Variants in PRDM2 observed in about 807,000 individuals in gnomAD.
PRDM2 encodes the protein PR/SET domain 2.
PRDM2 carries 30 observed loss-of-function variants against 130.0 expected under a neutral mutation model. The observed-to-expected ratio is 0.23, with a 90% confidence interval of 0.17 to 0.31. The LOEUF (loss-of-function observed/expected upper bound fraction) is 0.31, where lower values mean the gene tolerates loss of function less well. Ranked by LOEUF, PRDM2 falls within the 10% of genes least tolerant of loss-of-function variation. The pLI is 1.00. For synonymous variants in PRDM2, 871 were observed against 782.4 expected, an observed-to-expected ratio of 1.11 and a Z score of -1.89; for missense variants, 2,011 against 2,108.4, an observed-to-expected ratio of 0.95 and a Z score of 0.90.
At chr1:13,792,877 C>T (rs1283150060) in intron 8 of PRDM2, among the ~76,000 whole-genome samples, 2 of 152,192 alleles carry the variant, frequency 1.3e-5, no homozygotes, top group African/African-American at 4.8e-5. Flanking sequence ...ATAGATTAAC[C>T]GAGTCGGAGA....
At chr1:13,802,992 T>G (rs1418109516) in intron 8 of PRDM2, among the ~76,000 whole-genome samples, 4 of 152,206 alleles carry the variant, frequency 2.6e-5, no homozygotes, top group Admixed American at 2.6e-4. Context: ...TCCTCCACCC[T>G]GCTGGGCTTC....
intron 1 of PRDM2, 52 bp from the exon 2 acceptor site, chr1:13,715,489 C>T (rs1642504797): frequency 2.4e-6 from 2 of 834,156 alleles, no homozygotes; most frequent in South Asian, 2.4e-5. Context: ...GTTTTAAATC[C>T]CTGTAAATTT....
chr1:13,750,070 G>A (rs1203619), intron 6 of PRDM2, among the ~76,000 whole-genome samples: 26,057 of 152,220 alleles, frequency 0.17, 2,838 homozygotes, highest in Admixed American at 0.24. Flanking sequence ...ATGCCCAGGG[G>A]GATGTGGAAG....
chr1:13,762,085 G>A (rs1441973572), intron 6 of PRDM2, among the ~76,000 whole-genome samples: 1 of 152,178 alleles, frequency 6.6e-6, no homozygotes, highest in Non-Finnish European at 1.5e-5. Flanking sequence ...TAGCATCTGT[G>A]GATACTCCTT....
chr1:13,823,411 G>A lies in PRDM2; in HGVS notation c.*276G>A, dbSNP rs1328903606. 5 of 577,372 alleles carry A rather than the reference G, an allele frequency of 8.7e-6. No individual in the cohort carries two copies. The highest frequency in any genetic ancestry group is 1.6e-5 in the Non-Finnish European group (5 of 321,054). The allele number at this position is 577,372 out of a possible 1,614,324, so 35.8% of individuals were successfully genotyped here. ...TCCTTTGGGATGATACTTGGATGCAGCTCTTGGGACCGTGTTCTGCAGCCC... is the reference window on the plus strand; with the variant it reads ...TCCTTTGGGATGATACTTGGATGCAACTCTTGGGACCGTGTTCTGCAGCCC... On this transcript the variant is annotated 3_prime_UTR_variant, in exon 10 of 10. Transcript: ENST00000311066.
rs756547427 is a variant in PRDM2 at position 13,749,435 on chromosome 1, G to A, written c.459G>A (p.Glu153=). 1.1e-5 allele frequency: 17 copies of A among 1,512,728 alleles called. No homozygotes were observed. In the South Asian group the frequency reaches 1.7e-4, roughly 15 times the overall value. The allele number at this position is 1,512,728 out of a possible 1,614,324, so 93.7% of individuals were successfully genotyped here. The change falls in exon 6 of 10, where the codon GAG becomes GAA. Residue 153 remains glutamate, a synonymous_variant. Coordinates refer to ENST00000311066, the MANE Select transcript of PRDM2 (RefSeq NM_001393986.1). ...EDNPEIAAAI[E]EERASARSKR... is the part of the protein sequence containing the mutation. ...ACCCTGAGATAGCAGCTGCGATTGA[G>A]GAAGAGCGAGCCAGCGCCCGGAGCA...
chr1:13,755,098 T>G (rs982001870), intron 6 of PRDM2, among the ~76,000 whole-genome samples: 8 of 152,136 alleles, frequency 5.3e-5, no homozygotes, highest in African/African-American at 1.9e-4. Flanking sequence ...AATTAGTAGT[T>G]TTTCAACAGT....
chr1:13,776,558 A>C (rs1228055553), intron 7 of PRDM2, among the ~76,000 whole-genome samples: 1 of 152,140 alleles, frequency 6.6e-6, no homozygotes, highest in African/African-American at 2.4e-5. Flanking sequence ...AGTTGCTAAT[A>C]GTCTCCCTGT....
intron 1 of PRDM2, among the ~76,000 whole-genome samples, chr1:13,700,586 T>G (rs1354034593): frequency 1.1e-4 from 16 of 150,196 alleles, no homozygotes; most frequent in African/African-American, 4.0e-4. Context: ...TTTGTCGCCG[T>G]GAAGAGCCGC....
chr1:13,743,328 AGGGAG>A (rs538983585), intron 5 of PRDM2, among the ~76,000 whole-genome samples: 104 of 134,210 alleles, frequency 7.7e-4, no homozygotes, highest in African/African-American at 2.8e-3. Flanking sequence ...TGAACCTGGG[AGGGAG>A]GGTTTGCAGT....
intron 4 of PRDM2, among the ~76,000 whole-genome samples, chr1:13,735,168 T>G (rs1265724494): frequency 6.6e-6 from 1 of 152,264 alleles, no homozygotes; most frequent in Non-Finnish European, 1.5e-5. Context: ...TTGCTCTCCT[T>G]GAGCCCTTGA....
At chr1:13,764,713 A>G (rs967405546) in intron 6 of PRDM2, among the ~76,000 whole-genome samples, 3 of 152,248 alleles carry the variant, frequency 2.0e-5, no homozygotes, top group Non-Finnish European at 2.9e-5. Flanking sequence ...GTGGGAAGCA[A>G]GCATTTCAGG....
In PRDM2 at chr1:13,803,239, T is replaced by C. The variant is rs556964723; in HGVS notation, c.5037-13188T>C. On this transcript the variant is annotated intron_variant, in intron 8 of 9. Transcript: ENST00000311066. This position sits in a 1 kb window ranked among gnomAD's most constrained non-coding sequence, Gnocchi z 6.2. ...AGCCACGCTGGGAGGATTTGGTTCT[T>C]GAGCAGCATGGACAGGCACATTTCA... Among the ~76,000 whole-genome samples, 1 of 152,312 alleles carries C rather than the reference T, an allele frequency of 6.6e-6. No homozygotes were observed. The highest frequency in any genetic ancestry group is 2.1e-4 in the South Asian group (1 of 4,824).
rs756280676 is a variant in PRDM2 at position 13,782,845 on chromosome 1, C to G, written c.5036+14C>G. On this transcript the variant is annotated intron_variant, in intron 8 of 9. Coordinates refer to ENST00000311066, the MANE Select transcript of PRDM2 (RefSeq NM_001393986.1). ...GAAGGACTTCAGGTAAGCTCAGGAG[C>G]TGGTGGGAGGGAAAGACCGGGAAGG... 1 of 1,608,264 alleles carries G rather than the reference C, an allele frequency of 6.2e-7. No homozygotes were observed. Among genetic ancestry groups the G allele is most frequent in the Non-Finnish European group, 8.5e-7 (1 of 1,179,614 alleles).
At chr1:13,749,845 G>A (rs1643759089) in intron 6 of PRDM2, among the ~76,000 whole-genome samples, 1 of 152,098 alleles carries the variant, frequency 6.6e-6, no homozygotes, top group Admixed American at 6.5e-5. Flanking sequence ...ACCCCAAGCC[G>A]CGCTCCGCAG....
intron 8 of PRDM2, among the ~76,000 whole-genome samples, chr1:13,791,128 A>G (rs887710086): frequency 4.0e-5 from 6 of 151,436 alleles, no homozygotes; most frequent in Non-Finnish European, 8.8e-5. Context: ...TTTTTTTTTA[A>G]GGGATTTTAT....
At chr1:13,801,363 A>C (rs1462746574) in intron 8 of PRDM2, among the ~76,000 whole-genome samples, 1 of 152,232 alleles carries the variant, frequency 6.6e-6, no homozygotes, top group African/African-American at 2.4e-5. Flanking sequence ...AGTGGCTATC[A>C]GATAACTAAG....
chr1:13,734,674 T>C (rs937606162), intron 4 of PRDM2, among the ~76,000 whole-genome samples: 8 of 152,192 alleles, frequency 5.3e-5, no homozygotes, highest in Non-Finnish European at 4.4e-5. Flanking sequence ...ATACTTCTTA[T>C]ATACTGTACT....
intron 1 of PRDM2, among the ~76,000 whole-genome samples, chr1:13,706,395 C>T (rs555686312): frequency 6.6e-6 from 1 of 152,350 alleles, no homozygotes; most frequent in South Asian, 2.1e-4. Flanking sequence ...GGTGCTAAAG[C>T]TGCCTTCCTT....
Sources: gnomAD v4.1 joint callset for allele counts (sites outside exome capture counted in the v4.1 genomes callset) on GRCh38, gnomAD v4.1.1 for gene constraint, Gnocchi (gnomAD v3.1) non-coding constraint, MANE v1.5 for transcripts, NCBI Gene and HGNC (gene_info 2026-07-23, HGNC 2026-07-21) for gene names.